Variants in NXPE2 observed in about 807,000 individuals in gnomAD.
The protein encoded by NXPE2 is NXPE family member 2.
Under a neutral mutation model 34.4 loss-of-function variants are expected in NXPE2, and 34 were observed. That is an observed-to-expected ratio of 0.99 (90% CI 0.75 to 1.31). The LOEUF (loss-of-function observed/expected upper bound fraction) is 1.31, where lower values mean the gene tolerates loss of function less well. Among genes scored for constraint, NXPE2 ranks in the 40% most tolerant of loss-of-function variants. NXPE2 has a pLI of 0.00. For missense variants in NXPE2, 649 were observed against 672.5 expected, an observed-to-expected ratio of 0.97 and a Z score of 0.39; for synonymous variants, 235 against 231.3, an observed-to-expected ratio of 1.02 and a Z score of -0.15.
At chr11:114,491,135 G>T in the NXPE2 span, among the ~76,000 whole-genome samples, 1 of 119,796 alleles carries the variant, frequency 8.3e-6, no homozygotes, top group Non-Finnish European at 1.6e-5. Context: ...GCAGTCCGCA[G>T]TCCGGCCTGG....
chr11:114,745,886 C>T, the NXPE2 span, among the ~76,000 whole-genome samples: 1 of 151,602 alleles, frequency 6.6e-6, no homozygotes, highest in South Asian at 2.1e-4. Flanking sequence ...AGCTAGCTGA[C>T]CCTGCTAAAC....
the NXPE2 span, among the ~76,000 whole-genome samples, chr11:114,500,681 T>C: frequency 1.3e-5 from 2 of 152,280 alleles, no homozygotes; most frequent in Admixed American, 1.3e-4. Context: ...AAGAAATCCT[T>C]ACTTACCTAA....
the NXPE2 span, among the ~76,000 whole-genome samples, chr11:114,807,008 C>T: frequency 1.2e-4 from 19 of 152,038 alleles, no homozygotes; most frequent in African/African-American, 3.9e-4. Flanking sequence ...AGAAACTCTA[C>T]GAGCCAGAAG....
the NXPE2 span, among the ~76,000 whole-genome samples, chr11:114,766,990 AAAAT>A: frequency 6.6e-6 from 1 of 152,052 alleles, no homozygotes; most frequent in Admixed American, 6.6e-5. Flanking sequence ...TCTGAAAAAA[AAAAT>A]ATTTTTTCCT....
At chr11:114,776,304 G>T in the NXPE2 span, among the ~76,000 whole-genome samples, 2 of 152,268 alleles carry the variant, frequency 1.3e-5, no homozygotes, top group African/African-American at 2.4e-5. Flanking sequence ...AACAGCACTT[G>T]TCATCTTGTC....
chr11:114,606,635 G>A, the NXPE2 span, among the ~76,000 whole-genome samples: 4 of 151,800 alleles, frequency 2.6e-5, no homozygotes, highest in South Asian at 2.1e-4. Context: ...GTGTTGCCTC[G>A]TGGGAAACCA....
intron 2 of NXPE2, 109 bp from the exon 3 acceptor site, chr11:114,697,936 T>G (rs936218649): frequency 9.3e-7 from 1 of 1,074,962 alleles, no homozygotes; most frequent in Non-Finnish European, 1.3e-6. Context: ...CGATTTTTGA[T>G]ATTTAATTTA....
the NXPE2 span, among the ~76,000 whole-genome samples, chr11:114,580,614 A>G: frequency 6.6e-6 from 1 of 152,156 alleles, no homozygotes; most frequent in Admixed American, 6.5e-5. Flanking sequence ...AAATTTAAGT[A>G]TTTTCCAGCT....
chr11:114,725,502 TC>T, the NXPE2 span, among the ~76,000 whole-genome samples: 1 of 150,494 alleles, frequency 6.6e-6, no homozygotes, highest in Non-Finnish European at 1.5e-5. Context: ...TAAATAAGTT[TC>T]CCCTTTTCCT....
At chr11:114,618,356 A>G in the NXPE2 span, among the ~76,000 whole-genome samples, 5 of 151,928 alleles carry the variant, frequency 3.3e-5, no homozygotes, top group Admixed American at 2.0e-4. Context: ...CTGGTCAATA[A>G]TAAGTGTTGC....
At chr11:114,646,814 T>C in the NXPE2 span, among the ~76,000 whole-genome samples, 34 of 152,150 alleles carry the variant, frequency 2.2e-4, no homozygotes, top group Non-Finnish European at 4.9e-4. Context: ...CTTAAGACTA[T>C]GGTTACAAAG....
the NXPE2 span, among the ~76,000 whole-genome samples, chr11:114,632,090 G>C: frequency 3.0e-4 from 42 of 142,266 alleles, no homozygotes; most frequent in Non-Finnish European, 5.3e-4. Context: ...TTATTATATT[G>C]TAAATATAAT....
chr11:114,808,393 A>T, the NXPE2 span, among the ~76,000 whole-genome samples: 1 of 151,552 alleles, frequency 6.6e-6, no homozygotes. Context: ...CAAAAAATTA[A>T]TGAATCCAGG....
the NXPE2 span, among the ~76,000 whole-genome samples, chr11:114,744,074 T>A: frequency 6.6e-6 from 1 of 152,212 alleles, no homozygotes; most frequent in Admixed American, 6.5e-5. Flanking sequence ...CAATCCCATA[T>A]ACACGAGCTG....
intron 2 of NXPE2, among the ~76,000 whole-genome samples, chr11:114,692,907 G>A (rs986152245): frequency 1.3e-5 from 2 of 151,774 alleles, no homozygotes; most frequent in African/African-American, 2.4e-5. Flanking sequence ...TACTTTCTAC[G>A]CTGGCTCTTC....
the NXPE2 span, among the ~76,000 whole-genome samples, chr11:114,471,256 A>C: frequency 1.3e-5 from 2 of 152,314 alleles, no homozygotes; most frequent in East Asian, 3.9e-4. Flanking sequence ...CAAGTTTTAC[A>C]GATTGAGGTT....
At chr11:114,638,608 GT>G in the NXPE2 span, among the ~76,000 whole-genome samples, 1 of 151,954 alleles carries the variant, frequency 6.6e-6, no homozygotes, top group African/African-American at 2.4e-5. Flanking sequence ...ATCTACTTTT[GT>G]CTTTGATGAT....
chr11:114,778,294 A>G, the NXPE2 span, among the ~76,000 whole-genome samples: 1 of 152,180 alleles, frequency 6.6e-6, no homozygotes, highest in Non-Finnish European at 1.5e-5. Context: ...CAAGGATGAG[A>G]GAGTTAGACA....
At chr11:114,511,955 C>T in the NXPE2 span, among the ~76,000 whole-genome samples, 1 of 152,132 alleles carries the variant, frequency 6.6e-6, no homozygotes, top group Non-Finnish European at 1.5e-5. Flanking sequence ...GCCAATTGAA[C>T]CTCTTTCCTT....
Sources: gnomAD v4.1 joint callset for allele counts (sites outside exome capture counted in the v4.1 genomes callset) on GRCh38, gnomAD v4.1.1 for gene constraint, MANE v1.5 for transcripts, NCBI Gene and HGNC (gene_info 2026-07-23, HGNC 2026-07-21) for gene names.